ST18: variants seen among roughly 807,000 people sequenced by gnomAD.
The protein encoded by ST18 is suppression of tumorigenicity 18 protein.
ST18 carries 50 observed loss-of-function variants against 110.0 expected under a neutral mutation model. That is an observed-to-expected ratio of 0.45 (90% CI 0.36 to 0.58). The LOEUF (loss-of-function observed/expected upper bound fraction) is 0.58. Among genes scored for constraint, ST18 ranks in the 20% least tolerant of loss-of-function variants. The pLI is 0.00. For missense variants in ST18, 1,306 were observed against 1,280.1 expected, an observed-to-expected ratio of 1.02 and a Z score of -0.31; for synonymous variants, 461 against 452.4, an observed-to-expected ratio of 1.02 and a Z score of -0.24.
chr8:52,218,644 C>T (rs2085376587), intron 5 of ST18, among the ~76,000 whole-genome samples: 1 of 151,190 alleles, frequency 6.6e-6, no homozygotes, highest in Admixed American at 6.6e-5. Context: ...AGGTGATCCA[C>T]CCGCCTTGGC....
At chr8:52,143,620 T>G (rs1292819489) in intron 16 of ST18, among the ~76,000 whole-genome samples, 1 of 152,238 alleles carries the variant, frequency 6.6e-6, no homozygotes, top group Non-Finnish European at 1.5e-5. Context: ...TTGGCAAATA[T>G]GATTACAGAG....
intron 2 of ST18, among the ~76,000 whole-genome samples, chr8:52,380,052 A>G (rs1042346438): frequency 6.6e-6 from 1 of 152,162 alleles, no homozygotes; most frequent in African/African-American, 2.4e-5. Context: ...AAAACCATAA[A>G]CCTTGAGTAA....
intron 23 of ST18, 54 bp downstream of exon 23, chr8:52,125,998 G>C: frequency 7.0e-7 from 1 of 1,431,148 alleles, no homozygotes; most frequent in Non-Finnish European, 9.7e-7. Flanking sequence ...ACGCTTTGGG[G>C]AGCCAGGGTC....
intron 8 of ST18, among the ~76,000 whole-genome samples, chr8:52,189,564 T>C (rs573797513): frequency 4.1e-4 from 63 of 152,296 alleles, no homozygotes; most frequent in East Asian, 5.8e-4. Context: ...AACCCAGTGA[T>C]TGAAAGAGAA....
intron 2 of ST18, among the ~76,000 whole-genome samples, chr8:52,287,876 A>C (rs2095494422): frequency 6.6e-6 from 1 of 152,212 alleles, no homozygotes; most frequent in Non-Finnish European, 1.5e-5. Flanking sequence ...GAGTCAATTC[A>C]GCTTCTGAGG....
chr8:52,163,857 C>T, intron 13 of ST18, 129 bp downstream of exon 13: 1 of 633,018 alleles, frequency 1.6e-6, no homozygotes, highest in East Asian at 2.7e-5. Flanking sequence ...GAGTGGGCTG[C>T]ACACCCAGGT....
Position 52,313,790 on chromosome 8 carries a change from C to A in ST18, c.-464-83713G>T, listed in dbSNP as rs540620993. On this transcript the variant is annotated intron_variant, in intron 2 of 25. Transcript: ENST00000689386. ...GAATTTAGAAGGGATCGTTGCTGCC[C>A]CGAGGCCTCCCGCAGCAATGGGAGC... 9.7e-4 allele frequency among the ~76,000 whole-genome samples: 147 copies of A among 152,236 alleles called. 1 individual carries two copies. Among genetic ancestry groups the A allele is most frequent in the African/African-American group, 3.3e-3 (136 of 41,528 alleles).
chr8:52,357,671 CTATAAATA>C lies in ST18; in HGVS notation c.-465+51649_-465+51656del, dbSNP rs1323665319. Among the ~76,000 whole-genome samples the C allele has an allele frequency of 1.3e-3, 77 of 60,016 alleles. 2 individuals are homozygous for C. Among genetic ancestry groups the C allele is most frequent in the African/African-American group, 3.9e-3 (74 of 19,206 alleles). The allele number at this position is 60,016 out of a possible 152,430, so 39.4% of individuals were successfully genotyped here. On this transcript the variant is annotated intron_variant, in intron 2 of 25. Coordinates refer to ENST00000689386, the MANE Select transcript of ST18 (RefSeq NM_001352837.2). ...TTTACACATAACAAATCCCCAAAATCTATAAATATATATATATATATATATATATATAT... is the reference window on the plus strand; with the variant it reads ...TTTACACATAACAAATCCCCAAAATCTATATATATATATATATATATATAT...
Position 52,131,988 on chromosome 8 carries a change from T to C in ST18, c.2636A>G (p.His879Arg). Reference protein sequence around the residue: ...CPLPGCNGLGHVNNVFVTHRS... With the variant: ...CPLPGCNGLGRVNNVFVTHRS... ...GTGGGTGACAAAAACATTATTTACA[T>C]GGCCCAGCCCATTGCAGCCTGGCAA... Residue 879 changes from histidine to arginine, a missense_variant, in exon 22 of 26, where the codon CAT becomes CGT. Transcript: ENST00000689386. 1 of 1,614,160 alleles carries C rather than the reference T, an allele frequency of 6.2e-7. No homozygotes were observed. The highest frequency in any genetic ancestry group is 8.5e-7 in the Non-Finnish European group (1 of 1,180,024).
intron 2 of ST18, among the ~76,000 whole-genome samples, chr8:52,332,166 A>G (rs561997216): frequency 1.2e-4 from 19 of 152,284 alleles, no homozygotes; most frequent in Non-Finnish European, 2.1e-4. Context: ...TATATTAAAT[A>G]TTATACTAAA....
In ST18 at chr8:52,113,103, G is replaced by A. The variant is rs1358743984; in HGVS notation, c.*95C>T. 15 of 1,442,802 alleles carry A rather than the reference G, an allele frequency of 1.0e-5. No individual in the cohort carries two copies. Among genetic ancestry groups the A allele is most frequent in the Admixed American group, 2.3e-5 (1 of 43,758 alleles). 89.4% of individuals were successfully genotyped at this position (1,442,802 alleles called of 1,614,324 possible). ...TGTTGCAAATTGTAAATGCAGTACGGCAACCTCCACGCCTTAGCAGTACAT... is the reference window on the plus strand; with the variant it reads ...TGTTGCAAATTGTAAATGCAGTACGACAACCTCCACGCCTTAGCAGTACAT... On this transcript the variant is annotated 3_prime_UTR_variant, in exon 26 of 26. Transcript: ENST00000689386.
At chr8:52,214,117 G>T in intron 7 of ST18, 86 bp downstream of exon 7, 1 of 1,389,520 alleles carries the variant, frequency 7.2e-7, no homozygotes, top group South Asian at 1.2e-5. Context: ...TAATCATTCT[G>T]ACTGCACACG....
intron 2 of ST18, among the ~76,000 whole-genome samples, chr8:52,402,575 T>G (rs1318318839): frequency 6.6e-6 from 1 of 152,150 alleles, no homozygotes; most frequent in Non-Finnish European, 1.5e-5. Flanking sequence ...AATTCAGGTC[T>G]TAGAACCAAT....
chr8:52,253,452 T>C (rs1427758852), intron 2 of ST18, among the ~76,000 whole-genome samples: 2 of 152,110 alleles, frequency 1.3e-5, no homozygotes, highest in Non-Finnish European at 2.9e-5. Context: ...TCTACATTTA[T>C]CAAAAATGAA....
At chr8:52,114,997 C>T (rs560759684) in intron 25 of ST18, among the ~76,000 whole-genome samples, 41 of 152,314 alleles carry the variant, frequency 2.7e-4, no homozygotes, top group Non-Finnish European at 2.9e-5. Context: ...ACGCAACATT[C>T]ATAAATAACA....
At chr8:52,118,916 G>A (rs2043561608) in intron 23 of ST18, among the ~76,000 whole-genome samples, 1 of 152,136 alleles carries the variant, frequency 6.6e-6, no homozygotes. Context: ...ATGCTCCAAG[G>A]ACAGTTTTAT....
intron 22 of ST18, among the ~76,000 whole-genome samples, chr8:52,126,484 T>G (rs1448603900): frequency 1.3e-5 from 2 of 152,238 alleles, no homozygotes; most frequent in African/African-American, 4.8e-5. Context: ...AATGTGAAAT[T>G]GTACATATAT....
At position 52,214,202 on chromosome 8, in the gene ST18, C is replaced by T; in HGVS notation, c.55+1G>A. On this transcript the variant is annotated splice_donor_variant, in intron 7 of 25. Transcript: ENST00000689386. LOFTEE classifies it high-confidence loss of function. The stretch of plus-strand genomic sequence containing the variant: ...GTCATAGAACCTGCTTGCTAACTCA[C>T]CCTCGGTTCCTTTAGAGCGAGTACG... 4.3e-6 allele frequency: 7 copies of T among 1,614,096 alleles called. No individual in the cohort carries two copies. Among genetic ancestry groups the T allele is most frequent in the Non-Finnish European group, 5.9e-6 (7 of 1,179,978 alleles).
At chr8:52,190,241 C>A (rs141424715) in intron 8 of ST18, among the ~76,000 whole-genome samples, 49 of 151,090 alleles carry the variant, frequency 3.2e-4, no homozygotes, top group African/African-American at 1.1e-3. Flanking sequence ...CATGTGTAGA[C>A]TTGGGTCCCA....
Sources: allele counts gnomAD v4.1 joint callset (sites outside exome capture counted in the v4.1 genomes callset), GRCh38; gene constraint gnomAD v4.1.1; transcripts MANE v1.5; gene names NCBI Gene and HGNC (gene_info 2026-07-23, HGNC 2026-07-21).